CSMD3: variants seen among roughly 807,000 people sequenced by gnomAD.
The protein encoded by CSMD3 is CUB and sushi domain-containing protein 3.
In CSMD3, 177 loss-of-function variants were observed where a neutral mutation model predicts 435.2. The observed-to-expected ratio is 0.41, with a 90% CI of 0.36 to 0.46. The LOEUF is 0.46. Among genes scored for constraint, CSMD3 ranks in the 20% least tolerant of loss-of-function variants. CSMD3 has a pLI of 0.34. For missense variants in CSMD3, 4,265 were observed against 4,504.6 expected, an observed-to-expected ratio of 0.95 and a Z score of 1.52; for synonymous variants, 1,656 against 1,520.5, an observed-to-expected ratio of 1.09 and a Z score of -2.07.
chr8:113,386,949 T>A (rs147656967), intron 1 of CSMD3, among the ~76,000 whole-genome samples: 1 of 151,918 alleles, frequency 6.6e-6, no homozygotes, highest in African/African-American at 2.4e-5. Flanking sequence ...GCAATGGCAA[T>A]ATAAAGCATA....
intron 37 of CSMD3, among the ~76,000 whole-genome samples, chr8:112,383,084 C>A (rs1198103978): frequency 6.6e-6 from 1 of 152,118 alleles, no homozygotes; most frequent in Non-Finnish European, 1.5e-5. Context: ...TATTTCTGGT[C>A]TTGTTAAACA....
intron 22 of CSMD3, among the ~76,000 whole-genome samples, chr8:112,616,276 A>T (rs1833654070): frequency 6.6e-6 from 1 of 152,026 alleles, no homozygotes; most frequent in Non-Finnish European, 1.5e-5. Context: ...AATTATATCT[A>T]TTATTATCTC....
At chr8:113,345,160 T>C (rs1399248336) in intron 1 of CSMD3, among the ~76,000 whole-genome samples, 2 of 152,108 alleles carry the variant, frequency 1.3e-5, no homozygotes, top group African/African-American at 2.4e-5. Flanking sequence ...GTATTACTAT[T>C]TGTAAGTACT....
At chr8:112,943,969 T>A (rs375216471) in intron 9 of CSMD3, among the ~76,000 whole-genome samples, 1 of 151,704 alleles carries the variant, frequency 6.6e-6, no homozygotes, top group African/African-American at 2.4e-5. Context: ...ATCCTTTTTA[T>A]GTTTGTAGCT....
At chr8:113,163,369 G>C (rs914542994) in intron 4 of CSMD3, among the ~76,000 whole-genome samples, 21 of 152,128 alleles carry the variant, frequency 1.4e-4, no homozygotes, top group South Asian at 8.3e-4. Context: ...ATTTTAGAAA[G>C]AGCTGTGTGT....
chr8:112,401,531 G>C (rs1045179980), intron 35 of CSMD3, among the ~76,000 whole-genome samples: 6 of 151,890 alleles, frequency 4.0e-5, no homozygotes, highest in Admixed American at 3.3e-4. Context: ...TACTTGCAAG[G>C]CCTATTAAAA....
At chr8:112,764,684 T>C (rs920313051) in intron 13 of CSMD3, among the ~76,000 whole-genome samples, 2 of 151,638 alleles carry the variant, frequency 1.3e-5, no homozygotes, top group African/African-American at 4.8e-5. Flanking sequence ...ACTATATACA[T>C]AGTAAGTAAA....
At chr8:113,132,251 G>T (rs989529201) in intron 4 of CSMD3, among the ~76,000 whole-genome samples, 1 of 152,082 alleles carries the variant, frequency 6.6e-6, no homozygotes, top group Non-Finnish European at 1.5e-5. Flanking sequence ...CTTTGGTCAG[G>T]GGGTACTGTT....
intron 12 of CSMD3, among the ~76,000 whole-genome samples, chr8:112,820,982 C>T (rs1351265479): frequency 6.6e-6 from 1 of 152,100 alleles, no homozygotes; most frequent in Non-Finnish European, 1.5e-5. Flanking sequence ...AGGATATGAT[C>T]TCATTCCTTT....
chr8:113,398,408 A>G (rs2094494011), intron 1 of CSMD3, among the ~76,000 whole-genome samples: 1 of 152,194 alleles, frequency 6.6e-6, no homozygotes, highest in South Asian at 2.1e-4. Flanking sequence ...ACACAGTTTA[A>G]TTACTGTAAC....
At chr8:113,089,535 G>A (rs577142614) in intron 5 of CSMD3, among the ~76,000 whole-genome samples, 1 of 152,144 alleles carries the variant, frequency 6.6e-6, no homozygotes, top group Non-Finnish European at 1.5e-5. Flanking sequence ...TAAATACATG[G>A]AAGAAAAACC....
At chr8:112,891,372 A>G (rs1165591420) in intron 10 of CSMD3, among the ~76,000 whole-genome samples, 1 of 151,696 alleles carries the variant, frequency 6.6e-6, no homozygotes, top group Admixed American at 6.6e-5. Context: ...CAATCAATTC[A>G]TCAAGATTAT....
rs867210307 is a variant in CSMD3 at position 113,211,255 on chromosome 8, G to A, written c.515-37339C>T. On this transcript the variant is annotated intron_variant, in intron 3 of 70. Transcript: ENST00000297405. ...TTTAATAATTTTAGTGTGTGTAGTA[G>A]AGGTTCCTTTCTTTCCTCAGTTTCT... 2.0e-5 allele frequency among the ~76,000 whole-genome samples: 3 copies of A among 152,108 alleles called. No homozygotes were observed. The South Asian group carries it at 6.2e-4, about 32-fold the overall frequency.
At chr8:112,303,513 C>A (rs926755014) in intron 52 of CSMD3, among the ~76,000 whole-genome samples, 36 of 152,012 alleles carry the variant, frequency 2.4e-4, no homozygotes, top group African/African-American at 8.5e-4. Context: ...TGAGATCGCG[C>A]CACTGCACTC....
At chr8:112,300,304 A>G (rs1820792435) in intron 53 of CSMD3, among the ~76,000 whole-genome samples, 1 of 148,552 alleles carries the variant, frequency 6.7e-6, no homozygotes, top group Non-Finnish European at 1.5e-5. Flanking sequence ...ATATAAATTT[A>G]AAAATTTATA....
At chr8:113,059,948 G>A (rs572785428) in intron 5 of CSMD3, among the ~76,000 whole-genome samples, 22 of 152,014 alleles carry the variant, frequency 1.4e-4, no homozygotes, top group East Asian at 7.7e-4. Context: ...AATTAACCTA[G>A]CAGTAGGACT....
At chr8:112,239,731 T>A (rs1337025262) in intron 66 of CSMD3, among the ~76,000 whole-genome samples, 2 of 152,124 alleles carry the variant, frequency 1.3e-5, no homozygotes, top group Non-Finnish European at 2.9e-5. Flanking sequence ...CTTAACATAT[T>A]TTGAATTTCA....
chr8:112,771,784 A>T (rs992566751), intron 13 of CSMD3, among the ~76,000 whole-genome samples: 1 of 152,050 alleles, frequency 6.6e-6, no homozygotes, highest in Non-Finnish European at 1.5e-5. Context: ...AAGAGTACAG[A>T]AGAGGGCATT....
intron 27 of CSMD3, among the ~76,000 whole-genome samples, chr8:112,523,904 C>T (rs998017823): frequency 6.6e-6 from 1 of 152,028 alleles, no homozygotes; most frequent in African/African-American, 2.4e-5. Context: ...ATGACAGACA[C>T]ATTCTAAACA....
Sources: allele counts gnomAD v4.1 joint callset (sites outside exome capture counted in the v4.1 genomes callset), GRCh38; gene constraint gnomAD v4.1.1; transcripts MANE v1.5; gene names NCBI Gene and HGNC (gene_info 2026-07-23, HGNC 2026-07-21).